GRM5: variants seen among roughly 807,000 people sequenced by gnomAD.
GRM5 encodes the protein glutamate metabotropic receptor 5.
Under a neutral mutation model 83.1 loss-of-function variants are expected in GRM5, and 19 were observed. The observed-to-expected ratio is 0.23, with a 90% CI of 0.16 to 0.34. GRM5 has a LOEUF of 0.34. Ranked by LOEUF, GRM5 falls within the 10% of genes least tolerant of loss-of-function variation. The probability of loss-of-function intolerance (pLI) is 1.00; values close to 1 mark genes in which losing one functional copy is unlikely to be tolerated. For synonymous variants in GRM5, 675 were observed against 633.6 expected, an observed-to-expected ratio of 1.07 and a Z score of -0.98; for missense variants, 1,160 against 1,588.3, an observed-to-expected ratio of 0.73 and a Z score of 4.58.
Position 88,630,618 on chromosome 11 carries a change from G to T in GRM5, c.1147+22550C>A, listed in dbSNP as rs930585988. Among the ~76,000 whole-genome samples, 13 of 150,368 alleles carry T rather than the reference G, an allele frequency of 8.6e-5. 1 individual carries two copies. In the South Asian group the frequency reaches 2.1e-3, roughly 24 times the overall value. ...ATTATGATGGAGTTTCATTCTTGTT[G>T]CCCAGGCTGGAGTGCAATGGTGCGA... On this transcript the variant is annotated intron_variant, in intron 4 of 9. Transcript: ENST00000305447.
intron 8 of GRM5, among the ~76,000 whole-genome samples, chr11:88,552,324 G>A (rs1007057828): frequency 9.9e-5 from 15 of 152,108 alleles, no homozygotes; most frequent in Admixed American, 7.9e-4. Context: ...ATCGTGGCTG[G>A]ACTGTTATAT....
intron 2 of GRM5, among the ~76,000 whole-genome samples, chr11:88,850,656 A>C (rs1944374241): frequency 6.7e-6 from 1 of 150,204 alleles, no homozygotes; most frequent in Non-Finnish European, 1.5e-5. Context: ...TCAGTATATT[A>C]TATACTTATA....
chr11:88,605,056 G>A (rs1168136284), intron 4 of GRM5, 92 bp from the exon 5 acceptor site: 2 of 984,442 alleles, frequency 2.0e-6, no homozygotes, highest in Non-Finnish European at 3.1e-6. Flanking sequence ...TGTAATTAGA[G>A]AATGCACTGG....
intron 3 of GRM5, among the ~76,000 whole-genome samples, chr11:88,802,361 T>C (rs1444328761): frequency 6.6e-6 from 1 of 152,040 alleles, no homozygotes; most frequent in African/African-American, 2.4e-5. Context: ...TATTCTGCCA[T>C]TGAAAGAATA....
intron 4 of GRM5, among the ~76,000 whole-genome samples, chr11:88,617,944 G>A (rs1241119776): frequency 6.6e-6 from 1 of 152,164 alleles, no homozygotes; most frequent in African/African-American, 2.4e-5. Flanking sequence ...TAAGAAAGTA[G>A]TCCTATAGCA....
At chr11:88,817,560 A>G (rs1017705351) in intron 3 of GRM5, among the ~76,000 whole-genome samples, 43 of 152,252 alleles carry the variant, frequency 2.8e-4, no homozygotes, top group African/African-American at 9.1e-4. Context: ...TTATAAAAAT[A>G]CCATCAACTA....
chr11:88,709,044 G>A (rs755595311), intron 3 of GRM5, among the ~76,000 whole-genome samples: 1 of 151,830 alleles, frequency 6.6e-6, no homozygotes, highest in Non-Finnish European at 1.5e-5. Context: ...TGTGAAATGT[G>A]CCTTATATTT....
intron 3 of GRM5, among the ~76,000 whole-genome samples, chr11:88,737,665 A>AT (rs1941947265): frequency 6.6e-6 from 1 of 151,940 alleles, no homozygotes; most frequent in South Asian, 2.1e-4. Flanking sequence ...ATTTTGTGAT[A>AT]TTTTTTCATC....
At chr11:88,672,943 G>A (rs1025508655) in intron 3 of GRM5, among the ~76,000 whole-genome samples, 1 of 151,906 alleles carries the variant, frequency 6.6e-6, no homozygotes, top group Admixed American at 6.6e-5. Context: ...GAGTCTTGAA[G>A]TTTTTGCAAA....
chr11:89,060,270 A>G (rs1941962446), intron 1 of GRM5, among the ~76,000 whole-genome samples: 1 of 82,432 alleles, frequency 1.2e-5, no homozygotes, highest in Non-Finnish European at 2.2e-5. Flanking sequence ...TAAATGGTAT[A>G]TATATATATA....
chr11:88,805,016 T>C (rs1016335310), intron 3 of GRM5, among the ~76,000 whole-genome samples: 1 of 152,168 alleles, frequency 6.6e-6, no homozygotes, highest in African/African-American at 2.4e-5. Flanking sequence ...TTGATTGTAA[T>C]AAATTCAGTG....
intron 2 of GRM5, among the ~76,000 whole-genome samples, chr11:88,931,630 G>C (rs555624584): frequency 2.6e-5 from 4 of 152,022 alleles, no homozygotes; most frequent in Admixed American, 6.6e-5. Flanking sequence ...CCCACACAGG[G>C]CTCTAAAAGA....
At chr11:89,008,117 A>C (rs1052355512) in intron 2 of GRM5, among the ~76,000 whole-genome samples, 1 of 152,186 alleles carries the variant, frequency 6.6e-6, no homozygotes, top group African/African-American at 2.4e-5. Flanking sequence ...ATTTAAAAGG[A>C]AACTGTGAAA....
chr11:88,963,962 G>T (rs1186539333), intron 2 of GRM5, among the ~76,000 whole-genome samples: 2 of 152,152 alleles, frequency 1.3e-5, no homozygotes, highest in Non-Finnish European at 2.9e-5. Flanking sequence ...TTATGTTTTA[G>T]TAAAGGCCCA....
intron 1 of GRM5, among the ~76,000 whole-genome samples, chr11:89,060,528 G>A (rs1941970473): frequency 6.6e-6 from 1 of 152,024 alleles, no homozygotes; most frequent in African/African-American, 2.4e-5. Flanking sequence ...TTGTTGATAT[G>A]ATAATTAAAT....
intron 4 of GRM5, among the ~76,000 whole-genome samples, chr11:88,631,857 C>G (rs1938978321): frequency 6.6e-6 from 1 of 152,098 alleles, no homozygotes; most frequent in South Asian, 2.1e-4. Flanking sequence ...AGATAAGGGA[C>G]TTGGTTATTT....
intron 8 of GRM5, among the ~76,000 whole-genome samples, chr11:88,532,745 C>A (rs976668661): frequency 5.3e-5 from 8 of 151,968 alleles, no homozygotes; most frequent in African/African-American, 1.9e-4. Context: ...ACATTCTGTA[C>A]ATGTTGGTCA....
At chr11:88,879,636 A>C (rs939918913) in intron 2 of GRM5, among the ~76,000 whole-genome samples, 2 of 151,964 alleles carry the variant, frequency 1.3e-5, no homozygotes, top group African/African-American at 4.8e-5. Context: ...CAAGATTTTC[A>C]TCACCTTTCT....
At chr11:88,872,248 C>T (rs1204276081) in intron 2 of GRM5, among the ~76,000 whole-genome samples, 1 of 151,336 alleles carries the variant, frequency 6.6e-6, no homozygotes, top group East Asian at 1.9e-4. Flanking sequence ...AAGGAAGAAG[C>T]ATATTAAGAT....
Sources: gnomAD v4.1 joint callset for allele counts (sites outside exome capture counted in the v4.1 genomes callset) on GRCh38, gnomAD v4.1.1 for gene constraint, MANE v1.5 for transcripts, NCBI Gene and HGNC (gene_info 2026-07-23, HGNC 2026-07-21) for gene names.